MARCHF6: variants seen among roughly 807,000 people sequenced by gnomAD.
MARCHF6 encodes the protein membrane associated ring-CH-type finger 6.
A neutral mutation model predicts 133.7 loss-of-function variants in MARCHF6; 31 were observed. That is an observed-to-expected ratio of 0.23 (90% confidence interval 0.17 to 0.31). The LOEUF (loss-of-function observed/expected upper bound fraction) is 0.31, where lower values mean the gene tolerates loss of function less well. MARCHF6 is among the 10% of genes least tolerant of loss of function. MARCHF6 has a pLI of 1.00. For missense variants in MARCHF6, 723 were observed against 1,121.6 expected (o/e 0.64, Z 5.08); for synonymous variants, 395 against 402.5 (o/e 0.98, Z 0.22).
Position 10,433,643 on chromosome 5 carries a change from C to T in MARCHF6, c.2692C>T (p.Gln898Ter). The T allele has an allele frequency of 1.9e-6, 3 of 1,614,196 alleles. No individual in the cohort carries two copies. Among genetic ancestry groups the T allele is most frequent in the Non-Finnish European group, 2.5e-6 (3 of 1,180,020 alleles). ...GAACTACGAACGGAAATCTGGCAAA[C>T]AAGGCTCATCTCCACCACCTCCACA... is the stretch of plus-strand genomic sequence containing the variant. ...LVNYERKSGKQGSSPPPPQSS... is the reference protein window; with the variant it reads ...LVNYERKSGK Residue 898 changes from glutamine to a stop codon, truncating the protein, a stop_gained, in exon 26 of 26, where the codon CAA becomes TAA. Coordinates refer to ENST00000274140, the MANE Select transcript of MARCHF6 (RefSeq NM_005885.4). LOFTEE classifies it high-confidence loss of function.
intron 5 of MARCHF6, 115 bp downstream of exon 5, chr5:10,387,181 T>C (rs924018191): frequency 2.9e-6 from 2 of 692,786 alleles, no homozygotes; most frequent in African/African-American, 1.8e-5. Context: ...AACAATAATT[T>C]ATGTCTATTA....
At chr5:10,417,567 A>G in intron 22 of MARCHF6, 163 bp downstream of exon 22, 1 of 808,768 alleles carries the variant, frequency 1.2e-6, no homozygotes, top group Non-Finnish European at 2.0e-6. Context: ...GCAGCATGGC[A>G]AGACCTAGTC....
chr5:10,378,670 TAC>T, intron 2 of MARCHF6, 87 bp from the exon 3 acceptor site: 1 of 842,398 alleles, frequency 1.2e-6, no homozygotes, highest in Non-Finnish European at 1.9e-6. Flanking sequence ...CTGTGATATA[TAC>T]ATTTTTAATA....
At chr5:10,374,588 G>A (rs1247269428) in intron 1 of MARCHF6, among the ~76,000 whole-genome samples, 3 of 152,176 alleles carry the variant, frequency 2.0e-5, no homozygotes, top group Non-Finnish European at 4.4e-5. Flanking sequence ...CATTAGTATT[G>A]CACCGCTAGG....
intron 19 of MARCHF6, 54 bp from the exon 20 acceptor site, chr5:10,414,379 A>G: frequency 2.0e-6 from 2 of 976,328 alleles, no homozygotes; most frequent in Non-Finnish European, 3.2e-6. Flanking sequence ...TCTTTGATAA[A>G]ATACATTGAG....
chr5:10,394,078 T>A lies in MARCHF6; in HGVS notation c.767-4T>A. Reference sequence around the variant, plus strand: ...TAATCTTTAAATTGCAATTATATTTTCAGATGACATGAATTGGAATGCTTT... The same window carrying A: ...TAATCTTTAAATTGCAATTATATTTACAGATGACATGAATTGGAATGCTTT... On this transcript the variant is annotated splice_region_variant and splice_polypyrimidine_tract_variant and intron_variant, in intron 7 of 25. Coordinates refer to ENST00000274140, the MANE Select transcript of MARCHF6 (RefSeq NM_005885.4). 1 of 1,519,150 alleles carries A rather than the reference T, an allele frequency of 6.6e-7. No homozygotes were observed. The highest frequency in any genetic ancestry group is 8.9e-7 in the Non-Finnish European group (1 of 1,126,582). The allele number at this position is 1,519,150 out of a possible 1,614,324, so 94.1% of individuals were successfully genotyped here.
chr5:10,358,770 CATT>C (rs558619436), intron 1 of MARCHF6, among the ~76,000 whole-genome samples: 346 of 152,256 alleles, frequency 2.3e-3, no homozygotes, highest in Admixed American at 5.5e-3. Context: ...AAAGTTATGT[CATT>C]AATGCATAAA....
At chr5:10,409,180 C>G (rs572354447) in intron 17 of MARCHF6, among the ~76,000 whole-genome samples, 1 of 152,240 alleles carries the variant, frequency 6.6e-6, no homozygotes, top group East Asian at 1.9e-4. Flanking sequence ...AAAAGGTTTA[C>G]TCTACACATA....
intron 10 of MARCHF6, among the ~76,000 whole-genome samples, chr5:10,398,285 T>C (rs149385877): frequency 2.6e-4 from 39 of 152,314 alleles, no homozygotes; most frequent in African/African-American, 9.1e-4. Flanking sequence ...GCAGACGTCT[T>C]TAATAAGAAG....
At chr5:10,404,703 C>G (rs1738775115) in intron 15 of MARCHF6, among the ~76,000 whole-genome samples, 1 of 152,148 alleles carries the variant, frequency 6.6e-6, no homozygotes, top group South Asian at 2.1e-4. Context: ...GAATGCTGCT[C>G]TTGGTGTACT....
intron 1 of MARCHF6, among the ~76,000 whole-genome samples, chr5:10,368,987 G>C (rs1029682538): frequency 3.9e-5 from 6 of 152,156 alleles, no homozygotes; most frequent in African/African-American, 7.2e-5. Context: ...TTCCAATGTG[G>C]GTGGAGGGGG....
rs139014866 is a variant in MARCHF6 at position 10,392,236 on chromosome 5, G to A, written c.766+505G>A. ...CCTCCAAAGTGCTGGGATTACAGGC[G>A]TGAGCCACTGCGCCCGGCCTACACA... On this transcript the variant is annotated intron_variant, in intron 7 of 25. Transcript: ENST00000274140. 9.5e-3 allele frequency among the ~76,000 whole-genome samples: 1,448 copies of A among 152,086 alleles called. 24 individuals carry two copies. The highest frequency in any genetic ancestry group is 0.033 in the African/African-American group (1,388 of 41,470).
chr5:10,384,546 C>T (rs1737351715), intron 4 of MARCHF6, among the ~76,000 whole-genome samples: 1 of 152,164 alleles, frequency 6.6e-6, no homozygotes, highest in South Asian at 2.1e-4. Context: ...AGAATGTGAG[C>T]ATCTGTTTAT....
At chr5:10,366,270 G>A (rs530297455) in intron 1 of MARCHF6, among the ~76,000 whole-genome samples, 1 of 152,302 alleles carries the variant, frequency 6.6e-6, no homozygotes, top group East Asian at 1.9e-4. Flanking sequence ...TATAGTGAAT[G>A]TGCACCATTT....
Position 10,402,514 on chromosome 5 carries a change from ACC to A in MARCHF6, c.1123-18_1123-17del. 1.2e-6 allele frequency: 2 copies of A among 1,613,076 alleles called. No homozygotes were observed. Among genetic ancestry groups the A allele is most frequent in the Non-Finnish European group, 1.7e-6 (2 of 1,179,200 alleles). ...CTCCTACATTTGGGTGATACTGATG[ACC>A]TTTATTTTCACTTAAGGTCTCTTTG... On this transcript the variant is annotated splice_polypyrimidine_tract_variant and intron_variant, in intron 13 of 25. Transcript: ENST00000274140.
At chr5:10,402,667 C>G in intron 14 of MARCHF6, 60 bp downstream of exon 14, 1 of 1,317,566 alleles carries the variant, frequency 7.6e-7, no homozygotes, top group Non-Finnish European at 1.1e-6. Context: ...AAGAGGAAGT[C>G]TTCAGCATGT....
chr5:10,357,450 G>T (rs1294704512), intron 1 of MARCHF6, among the ~76,000 whole-genome samples: 1 of 151,530 alleles, frequency 6.6e-6, no homozygotes, highest in Non-Finnish European at 1.5e-5. Flanking sequence ...TACCAAAGCA[G>T]CTGTTCTTTA....
intron 1 of MARCHF6, among the ~76,000 whole-genome samples, chr5:10,367,567 A>T (rs1736211407): frequency 6.6e-6 from 1 of 152,240 alleles, no homozygotes; most frequent in Admixed American, 6.5e-5. Flanking sequence ...AAGAGTTATA[A>T]CATGTACCCC....
At chr5:10,399,396 G>T (rs1198479011) in intron 10 of MARCHF6, among the ~76,000 whole-genome samples, 3 of 151,920 alleles carry the variant, frequency 2.0e-5, no homozygotes, top group Non-Finnish European at 4.4e-5. Context: ...AGGGTTAGAG[G>T]CCAGATCCCT....
Sources: allele counts gnomAD v4.1 joint callset (sites outside exome capture counted in the v4.1 genomes callset), GRCh38; gene constraint gnomAD v4.1.1; transcripts MANE v1.5; gene names NCBI Gene and HGNC (gene_info 2026-07-23, HGNC 2026-07-21).